Variants in TBL1X observed in about 807,000 individuals in gnomAD.
The protein encoded by TBL1X is transducin beta like 1 X-linked.
In TBL1X, 10 loss-of-function variants were observed where a neutral mutation model predicts 50.7. The observed-to-expected ratio is 0.20, with a 90% CI of 0.12 to 0.33. The LOEUF (loss-of-function observed/expected upper bound fraction) is 0.33, where lower values mean the gene tolerates loss of function less well. TBL1X is among the 10% of genes least tolerant of loss of function. TBL1X has a pLI of 1.00. For synonymous variants in TBL1X, 190 were observed against 214.7 expected (o/e 0.88, Z 1.01); for missense variants, 340 against 504.4 (o/e 0.67, Z 3.12).
chrX:9,573,763 G>A (rs940838406), intron 2 of TBL1X, among the ~76,000 whole-genome samples: 3 of 112,995 alleles, frequency 2.7e-5, no homozygotes, highest in African/African-American at 9.6e-5. Flanking sequence ...CTCCTCACGG[G>A]TGAGAGTCCA....
intron 2 of TBL1X, among the ~76,000 whole-genome samples, chrX:9,534,607 G>A (rs965907176): frequency 9.0e-6 from 1 of 110,584 alleles, no homozygotes; most frequent in Non-Finnish European, 1.9e-5. Flanking sequence ...TCCTTTTCTC[G>A]TTTTTCACTA....
At chrX:9,646,676 TC>T (rs1039084065) in intron 3 of TBL1X, among the ~76,000 whole-genome samples, 1 of 112,035 alleles carries the variant, frequency 8.9e-6, no homozygotes, top group Admixed American at 9.5e-5. Context: ...AATGGATTCT[TC>T]CAGCACAGAC....
intron 2 of TBL1X, among the ~76,000 whole-genome samples, chrX:9,617,185 T>A (rs2082643484): frequency 9.0e-6 from 1 of 111,679 alleles, no homozygotes. Context: ...GAGATAGTGT[T>A]AATGGTTGGG....
chrX:9,676,827 C>G (rs1286283637), intron 5 of TBL1X, among the ~76,000 whole-genome samples: 1 of 111,795 alleles, frequency 8.9e-6, no homozygotes, highest in Non-Finnish European at 1.9e-5. Context: ...AAAAAGAATT[C>G]TCCCCAGCAT....
chrX:9,691,995 G>T, intron 8 of TBL1X, 118 bp from the exon 9 acceptor site: 1 of 1,093,462 alleles, frequency 9.1e-7, no homozygotes, highest in South Asian at 2.0e-5. Context: ...GATCCAGAGG[G>T]ATGAAAAAGA....
intron 2 of TBL1X, among the ~76,000 whole-genome samples, chrX:9,616,982 C>T (rs1157944527): frequency 1.7e-4 from 19 of 111,835 alleles, no homozygotes. Flanking sequence ...GTGATGTGCA[C>T]AGGGGCCCAG....
chrX:9,620,270 A>G (rs1329951246), intron 2 of TBL1X, among the ~76,000 whole-genome samples: 1 of 112,370 alleles, frequency 8.9e-6, no homozygotes, highest in African/African-American at 3.2e-5. Flanking sequence ...TGTCCACTAC[A>G]GGCTCTTGAC....
rs139905886 is a variant in TBL1X, at chrX:9,577,079, G to T, written c.-130-63194G>T. 5.7e-3 allele frequency among the ~76,000 whole-genome samples: 631 copies of T among 111,557 alleles called. 8 individuals are homozygous for T. Among genetic ancestry groups the T allele is most frequent in the African/African-American group, 0.02 (613 of 30,703 alleles). On this transcript the variant is annotated intron_variant, in intron 2 of 17. Transcript: ENST00000645353. ...TATCCTTATTTTCCCAGGCCTCAAT[G>T]ATGAAATGTGCCCAGTGTTCATTTG...
intron 2 of TBL1X, among the ~76,000 whole-genome samples, chrX:9,559,943 T>C (rs1183355678): frequency 8.9e-6 from 1 of 112,152 alleles, no homozygotes; most frequent in Non-Finnish European, 1.9e-5. Context: ...GTTTTTCTGT[T>C]AATCATAGCT....
At chrX:9,489,175 G>A (rs1333918406) in intron 1 of TBL1X, among the ~76,000 whole-genome samples, 1 of 110,111 alleles carries the variant, frequency 9.1e-6, no homozygotes, top group Non-Finnish European at 1.9e-5. Flanking sequence ...TGTGTCAGCT[G>A]TGGGTAAGGA....
chrX:9,678,182 G>T (rs2083005581), intron 5 of TBL1X, among the ~76,000 whole-genome samples: 1 of 111,221 alleles, frequency 9.0e-6, no homozygotes, highest in South Asian at 3.8e-4. Flanking sequence ...GGATATTTTT[G>T]ATCTGTGGTT....
chrX:9,688,288 G>A lies in TBL1X; in HGVS notation c.616+13G>A, dbSNP rs770937382. The A allele has an allele frequency of 7.9e-6, 9 of 1,138,608 alleles. No individual in the cohort carries two copies. Among genetic ancestry groups the A allele is most frequent in the Non-Finnish European group, 1.1e-5 (9 of 855,486 alleles). 93.8% of individuals were successfully genotyped at this position (1,138,608 alleles called of 1,213,427 possible). On this transcript the variant is annotated intron_variant, in intron 7 of 17. Coordinates refer to ENST00000645353, the MANE Select transcript of TBL1X (RefSeq NM_005647.4). ...GCACATTCAGTCAGTGAGTGCAGGG[G>A]CTCTGGGAGTTCGGTGGGCCTCTCT... is the stretch of plus-strand genomic sequence containing the variant.
chrX:9,514,699 G>C (rs1032209133), intron 2 of TBL1X, among the ~76,000 whole-genome samples: 5 of 112,366 alleles, frequency 4.4e-5, no homozygotes, highest in East Asian at 2.8e-4. Context: ...CAGGATCATA[G>C]AGCAGGAAAA....
intron 12 of TBL1X, among the ~76,000 whole-genome samples, chrX:9,698,979 T>G (rs1369541929): frequency 9.0e-6 from 1 of 111,073 alleles, no homozygotes; most frequent in Non-Finnish European, 1.9e-5. Flanking sequence ...TCGTTTTGGG[T>G]TTTTTTGTTT....
chrX:9,646,683 C>G (rs1206502116), intron 3 of TBL1X, among the ~76,000 whole-genome samples: 3 of 112,116 alleles, frequency 2.7e-5, no homozygotes, highest in Middle Eastern at 9.1e-3. Flanking sequence ...TCTTCCAGCA[C>G]AGACGCCAAC....
chrX:9,556,455 C>T (rs1174794277), intron 2 of TBL1X, among the ~76,000 whole-genome samples: 7 of 106,726 alleles, frequency 6.6e-5, no homozygotes, highest in South Asian at 4.2e-4. Flanking sequence ...CTCAGGAGTT[C>T]GAGACCAGCC....
intron 12 of TBL1X, among the ~76,000 whole-genome samples, chrX:9,702,879 C>G (rs1319573988): frequency 9.0e-6 from 1 of 111,706 alleles, no homozygotes; most frequent in East Asian, 2.8e-4. Flanking sequence ...CTGGGGGCAT[C>G]ATGGAGCCCA....
chrX:9,493,846 C>T (rs899829999), intron 1 of TBL1X, among the ~76,000 whole-genome samples: 2 of 111,777 alleles, frequency 1.8e-5, no homozygotes, highest in African/African-American at 6.5e-5. Flanking sequence ...GATATACTGT[C>T]TCTTTTCCTG....
At chrX:9,589,641 T>C (rs2082489151) in intron 2 of TBL1X, among the ~76,000 whole-genome samples, 1 of 111,501 alleles carries the variant, frequency 9.0e-6, no homozygotes, top group African/African-American at 3.3e-5. Flanking sequence ...TCAGGAGTTC[T>C]TTTTTTAAAA....
Sources: allele counts gnomAD v4.1 joint callset (sites outside exome capture counted in the v4.1 genomes callset), GRCh38; gene constraint gnomAD v4.1.1; transcripts MANE v1.5; gene names NCBI Gene and HGNC (gene_info 2026-07-23, HGNC 2026-07-21).